The following ZNF487 variants were observed in gnomAD, a reference collection of about 807,000 sequenced individuals.
ZNF487 encodes the protein zinc finger protein 487.
ZNF487 carries 4 observed loss-of-function variants against 3.0 expected under a neutral mutation model. The observed-to-expected ratio is 1.35, with a 90% confidence interval of 0.66 to 3.08. ZNF487 has a LOEUF of 3.08. ZNF487 is among the 30% of genes most tolerant of loss of function. The pLI is 0.01. For synonymous variants in ZNF487, 55 were observed against 34.6 expected, an observed-to-expected ratio of 1.59 and a Z score of -2.06; for missense variants, 146 against 98.7, an observed-to-expected ratio of 1.48 and a Z score of -2.03.
At chr10:43,468,882 G>A (rs1840802880) in intron 1 of ZNF487, among the ~76,000 whole-genome samples, 2 of 148,266 alleles carry the variant, frequency 1.3e-5, no homozygotes, top group African/African-American at 2.5e-5. Context: ...CCAGCTACTC[G>A]GGAGGCTGAG....
chr10:43,480,508 C>A (rs781749517), intron 3 of ZNF487, among the ~76,000 whole-genome samples: 1 of 152,078 alleles, frequency 6.6e-6, no homozygotes, highest in Admixed American at 6.6e-5. Context: ...CTCTGCCTCA[C>A]GGGTTCAAGC....
At chr10:43,497,910 C>T in the ZNF487 span, among the ~76,000 whole-genome samples, 55 of 147,500 alleles carry the variant, frequency 3.7e-4, no homozygotes, top group Non-Finnish European at 6.5e-4. Flanking sequence ...GAGCTTGCAG[C>T]GAGCCGAGAT....
rs1588745167 is a variant in ZNF487 at position 43,479,655 on chromosome 10, C to A, written c.131-1774C>A. On this transcript the variant is annotated intron_variant, in intron 3 of 3. Coordinates refer to ENST00000437590, the MANE Select transcript of ZNF487 (RefSeq NM_001355444.3). ...TTTTGTTGTTTTTATTTTATTTATT[C>A]ATTTCATTTTGAGATGGAGTCTCAC... is the stretch of plus-strand genomic sequence containing the variant. Among the ~76,000 whole-genome samples the A allele has an allele frequency of 2.6e-5, 4 of 151,710 alleles. No individual in the cohort carries two copies. The South Asian group carries it at 8.3e-4, about 32-fold the overall frequency.
the ZNF487 span, among the ~76,000 whole-genome samples, chr10:43,499,497 G>A: frequency 2.0e-5 from 3 of 151,850 alleles, no homozygotes; most frequent in African/African-American, 7.3e-5. Context: ...GCTCACTCAA[G>A]CCTTGACCTT....
chr10:43,438,399 T>A (rs1453181160), intron 1 of ZNF487, among the ~76,000 whole-genome samples: 1 of 152,190 alleles, frequency 6.6e-6, no homozygotes, highest in East Asian at 1.9e-4. Context: ...TTGGCCAGGC[T>A]GGTCTCGAAT....
chr10:43,491,028 A>C, the ZNF487 span, among the ~76,000 whole-genome samples: 10 of 134,854 alleles, frequency 7.4e-5, no homozygotes, highest in African/African-American at 2.6e-4. Context: ...TCCTGGGGGC[A>C]TGATCTCGGC....
At chr10:43,439,613 A>T (rs1589016018) in intron 1 of ZNF487, among the ~76,000 whole-genome samples, 1 of 152,054 alleles carries the variant, frequency 6.6e-6, no homozygotes, top group Admixed American at 6.6e-5. Flanking sequence ...TGAGGCAGGG[A>T]GAATTGCTTG....
the ZNF487 span, among the ~76,000 whole-genome samples, chr10:43,497,328 G>T: frequency 6.6e-6 from 1 of 152,256 alleles, no homozygotes; most frequent in South Asian, 2.1e-4. Context: ...AACCCCTTTG[G>T]GGTCAAAATC....
At chr10:43,440,744 C>A (rs1839570379) in intron 1 of ZNF487, among the ~76,000 whole-genome samples, 1 of 151,626 alleles carries the variant, frequency 6.6e-6, no homozygotes, top group South Asian at 2.1e-4. Context: ...CCCTCCTTTG[C>A]CCTAGGGTAA....
the ZNF487 span, among the ~76,000 whole-genome samples, chr10:43,498,114 C>CTTTTTTTTTTTTTTT: frequency 2.0e-4 from 5 of 24,618 alleles, no homozygotes; most frequent in Admixed American, 8.2e-4. Flanking sequence ...TTTTTTTTTT[C>CTTTTTTTTTTTTTTT]TTTTTTTTTT....
At chr10:43,447,985 A>ATT (rs71016768) in intron 1 of ZNF487, among the ~76,000 whole-genome samples, 2,272 of 100,034 alleles carry the variant, frequency 0.023, 66 homozygotes, top group South Asian at 0.025. Flanking sequence ...CTTGGAAACC[A>ATT]TTTTTTTTTT....
At chr10:43,458,478 A>T (rs1178034496) in intron 1 of ZNF487, among the ~76,000 whole-genome samples, 3 of 152,180 alleles carry the variant, frequency 2.0e-5, no homozygotes, top group Non-Finnish European at 4.4e-5. Flanking sequence ...CAGAGGGGTA[A>T]CTTTAAATAG....
intron 1 of ZNF487, among the ~76,000 whole-genome samples, chr10:43,451,666 A>T (rs1840015678): frequency 6.6e-6 from 1 of 150,832 alleles, no homozygotes; most frequent in Non-Finnish European, 1.5e-5. Flanking sequence ...CCCGGGTTCA[A>T]GCAGTTCTCC....
chr10:43,438,054 C>T (rs141904600), intron 1 of ZNF487, among the ~76,000 whole-genome samples: 2,782 of 152,094 alleles, frequency 0.018, 29 homozygotes, highest in South Asian at 0.038. Context: ...GTGTAATAGC[C>T]ATTTGTTTTT....
intron 1 of ZNF487, among the ~76,000 whole-genome samples, chr10:43,462,051 G>A (rs1358373612): frequency 6.6e-6 from 1 of 152,168 alleles, no homozygotes; most frequent in Non-Finnish European, 1.5e-5. Flanking sequence ...TTCTATCCCA[G>A]TCCTTTTAGT....
intron 3 of ZNF487, among the ~76,000 whole-genome samples, chr10:43,479,492 G>A (rs12570790): frequency 0.034 from 5,189 of 152,206 alleles, 114 homozygotes; most frequent in South Asian, 0.041. Flanking sequence ...GGAATTGCTT[G>A]TAAGGATAAT....
At chr10:43,459,107 T>C (rs2132084353) in intron 1 of ZNF487, among the ~76,000 whole-genome samples, 1 of 152,288 alleles carries the variant, frequency 6.6e-6, no homozygotes, top group South Asian at 2.1e-4. Flanking sequence ...AAATGTCTTC[T>C]CAGTTGGTTT....
intron 1 of ZNF487, among the ~76,000 whole-genome samples, chr10:43,442,365 TTATTC>T (rs1839646539): frequency 6.6e-6 from 1 of 152,164 alleles, no homozygotes; most frequent in Non-Finnish European, 1.5e-5. Flanking sequence ...ACTGACGTCT[TTATTC>T]TATTGAGTCT....
At chr10:43,491,521 A>G in the ZNF487 span, among the ~76,000 whole-genome samples, 1 of 151,376 alleles carries the variant, frequency 6.6e-6, no homozygotes, top group South Asian at 2.1e-4. Flanking sequence ...GAGCTCCAGA[A>G]CCACTCATCC....
Sources: allele counts gnomAD v4.1 joint callset (sites outside exome capture counted in the v4.1 genomes callset), GRCh38; gene constraint gnomAD v4.1.1; transcripts MANE v1.5; gene names NCBI Gene and HGNC (gene_info 2026-07-23, HGNC 2026-07-21).